LDB2: variants seen among roughly 807,000 people sequenced by gnomAD.
LDB2 encodes LIM domain binding 2.
Under a neutral mutation model 44.3 loss-of-function variants are expected in LDB2, and 12 were observed. That is an observed-to-expected ratio of 0.27 (90% CI 0.17 to 0.44). The LOEUF (loss-of-function observed/expected upper bound fraction) is 0.44. Ranked by LOEUF, LDB2 falls within the 20% of genes least tolerant of loss-of-function variation. The pLI, the probability that LDB2 is intolerant of heterozygous loss-of-function variation, is 1.00. For missense variants in LDB2, 344 were observed against 473.5 expected, an observed-to-expected ratio of 0.73 and a Z score of 2.54; for synonymous variants, 164 against 174.8, an observed-to-expected ratio of 0.94 and a Z score of 0.49.
At chr4:16,658,032 A>G (rs1379526795) in intron 2 of LDB2, among the ~76,000 whole-genome samples, 1 of 152,192 alleles carries the variant, frequency 6.6e-6, no homozygotes, top group African/African-American at 2.4e-5. Flanking sequence ...AGTATATTGA[A>G]AACAAAACAA....
At chr4:16,701,604 G>T (rs1174624573) in intron 2 of LDB2, among the ~76,000 whole-genome samples, 2 of 152,152 alleles carry the variant, frequency 1.3e-5, no homozygotes, top group Non-Finnish European at 2.9e-5. Context: ...AAATGCAGAG[G>T]AGTTAAGTAA....
At chr4:16,627,018 G>A (rs1730462608) in intron 2 of LDB2, 1 of 152,122 alleles carries the variant, frequency 6.6e-6, no homozygotes, top group South Asian at 2.1e-4. Flanking sequence ...AAAGGTTACT[G>A]CTGCTGTGTT....
chr4:16,779,049 T>C (rs1169295209), intron 1 of LDB2, among the ~76,000 whole-genome samples: 2 of 152,202 alleles, frequency 1.3e-5, no homozygotes, highest in African/African-American at 4.8e-5. Context: ...AACCTCACTT[T>C]ACTTCTCTCT....
intron 2 of LDB2, among the ~76,000 whole-genome samples, chr4:16,672,400 CT>C (rs1745013097): frequency 6.6e-6 from 1 of 152,210 alleles, no homozygotes; most frequent in African/African-American, 2.4e-5. Flanking sequence ...AGAGGAGCTG[CT>C]GAAAGTTCAT....
intron 2 of LDB2, among the ~76,000 whole-genome samples, chr4:16,617,996 T>C (rs1246794571): frequency 6.6e-6 from 1 of 151,992 alleles, no homozygotes; most frequent in Non-Finnish European, 1.5e-5. Context: ...TTCTGGATAA[T>C]TCTTTCTTTT....
intron 2 of LDB2, among the ~76,000 whole-genome samples, chr4:16,718,786 G>A (rs1757619294): frequency 6.6e-6 from 1 of 152,076 alleles, no homozygotes. Flanking sequence ...ATCATGGATG[G>A]CATTTTTATC....
At chr4:16,813,997 G>C (rs565567091) in intron 1 of LDB2, among the ~76,000 whole-genome samples, 3 of 151,194 alleles carry the variant, frequency 2.0e-5, no homozygotes, top group Non-Finnish European at 2.9e-5. Context: ...TCAGCCTCCC[G>C]AGTAGCTGGG....
rs185318760 is a variant in LDB2 at position 16,579,069 on chromosome 4, T to A, written c.615+6853A>T. Among the ~76,000 whole-genome samples, 4 of 152,252 alleles carry A rather than the reference T, an allele frequency of 2.6e-5. No individual in the cohort carries two copies. The East Asian group carries it at 7.7e-4, about 29-fold the overall frequency. ...GGGTCAGGGTGGCGGAAAAGGAGGA[T>A]GGTTAATTGGTGCCCAAACAGAGTT... On this transcript the variant is annotated intron_variant, in intron 5 of 7. Transcript: ENST00000304523.
At chr4:16,639,896 C>T (rs866839909) in intron 2 of LDB2, among the ~76,000 whole-genome samples, 1 of 152,232 alleles carries the variant, frequency 6.6e-6, no homozygotes. Flanking sequence ...TGCTTCACAG[C>T]GCTCACACTT....
chr4:16,800,059 G>C (rs1777489292), intron 1 of LDB2, among the ~76,000 whole-genome samples: 1 of 152,022 alleles, frequency 6.6e-6, no homozygotes. Context: ...CTGAGGTCCG[G>C]GACGGGAAAG....
intron 2 of LDB2, among the ~76,000 whole-genome samples, chr4:16,757,957 C>T (rs1767020139): frequency 7.0e-6 from 1 of 143,370 alleles, no homozygotes; most frequent in African/African-American, 2.6e-5. Context: ...TAGAAATGTC[C>T]CACGTCCTTA....
intron 5 of LDB2, among the ~76,000 whole-genome samples, chr4:16,576,013 T>C (rs1192394697): frequency 6.6e-6 from 1 of 152,222 alleles, no homozygotes; most frequent in Non-Finnish European, 1.5e-5. Context: ...GTGCTGAGAT[T>C]ACAGGCGTGA....
At chr4:16,830,404 G>A (rs1033282063) in intron 1 of LDB2, among the ~76,000 whole-genome samples, 27 of 152,138 alleles carry the variant, frequency 1.8e-4, no homozygotes, top group African/African-American at 6.5e-4. Flanking sequence ...TGTGGTGATT[G>A]TAAGTCCCCC....
rs369567609 is a variant in LDB2 at position 16,697,458 on chromosome 4, T to C, written c.235+61700A>G. Among the ~76,000 whole-genome samples, 5 of 148,448 alleles carry C rather than the reference T, an allele frequency of 3.4e-5. No individual in the cohort carries two copies. The East Asian group carries it at 1.0e-3, about 30-fold the overall frequency. Reference sequence around the variant, plus strand: ...GCCTGGGCGACAGAGCAAGACTCCGTCCCAAAAAAAAAAACAACTCTCCTA... The same window carrying C: ...GCCTGGGCGACAGAGCAAGACTCCGCCCCAAAAAAAAAAACAACTCTCCTA... On this transcript the variant is annotated intron_variant, in intron 2 of 7. Coordinates refer to ENST00000304523, the MANE Select transcript of LDB2 (RefSeq NM_001290.5).
chr4:16,807,521 T>C (rs1040827761), intron 1 of LDB2, among the ~76,000 whole-genome samples: 6 of 152,224 alleles, frequency 3.9e-5, no homozygotes, highest in African/African-American at 1.2e-4. Flanking sequence ...GCTCTCTTAC[T>C]GTTCCAGCCT....
At chr4:16,558,685 A>G (rs897388760) in intron 5 of LDB2, among the ~76,000 whole-genome samples, 18 of 152,144 alleles carry the variant, frequency 1.2e-4, no homozygotes, top group African/African-American at 4.3e-4. Flanking sequence ...GCAGGCCAAC[A>G]TTCAGATTCA....
At chr4:16,700,376 T>A (rs1177124852) in intron 2 of LDB2, among the ~76,000 whole-genome samples, 1 of 152,198 alleles carries the variant, frequency 6.6e-6, no homozygotes, top group Non-Finnish European at 1.5e-5. Context: ...AAATATTATA[T>A]GTTAGATATA....
intron 1 of LDB2, among the ~76,000 whole-genome samples, chr4:16,769,979 T>C (rs1770293758): frequency 6.6e-6 from 1 of 152,324 alleles, no homozygotes; most frequent in South Asian, 2.1e-4. Flanking sequence ...CCCAAAGACC[T>C]GAGAAATTCA....
chr4:16,641,880 C>A (rs1406345760), intron 2 of LDB2, among the ~76,000 whole-genome samples: 2 of 152,134 alleles, frequency 1.3e-5, no homozygotes, highest in African/African-American at 4.8e-5. Flanking sequence ...GCCAGGGCAC[C>A]TGCCTTAATA....
Sources: gnomAD v4.1 joint callset for allele counts (sites outside exome capture counted in the v4.1 genomes callset) on GRCh38, gnomAD v4.1.1 for gene constraint, MANE v1.5 for transcripts, NCBI Gene and HGNC (gene_info 2026-07-23, HGNC 2026-07-21) for gene names.